Variants in RB1CC1 observed in about 807,000 individuals in gnomAD.
RB1CC1 encodes RB1-inducible coiled-coil protein 1.
In RB1CC1, 46 loss-of-function variants were observed where a neutral mutation model predicts 177.5. The ratio of observed to expected loss-of-function variants is 0.26; its 90% CI spans 0.20 to 0.33. The LOEUF is 0.33. RB1CC1 is among the 10% of genes least tolerant of loss of function. The pLI, the probability that RB1CC1 is intolerant of heterozygous loss-of-function variation, is 1.00. For synonymous variants in RB1CC1, 666 were observed against 613.6 expected (o/e 1.09, Z -1.26); for missense variants, 1,703 against 1,816.3 (o/e 0.94, Z 1.13).
At chr8:52,649,876 T>G (rs188305640) in intron 15 of RB1CC1, among the ~76,000 whole-genome samples, 135 of 152,286 alleles carry the variant, frequency 8.9e-4, no homozygotes, top group African/African-American at 3.0e-3. Context: ...AAAACTAATA[T>G]AAACTTTAAT....
intron 15 of RB1CC1, among the ~76,000 whole-genome samples, chr8:52,652,428 C>G (rs1850681899): frequency 6.8e-6 from 1 of 146,398 alleles, no homozygotes; most frequent in Non-Finnish European, 1.5e-5. Flanking sequence ...CCACTGCACT[C>G]CAGCCTGGGC....
chr8:52,688,139 CAT>C (rs956970802), intron 1 of RB1CC1, among the ~76,000 whole-genome samples: 15 of 152,264 alleles, frequency 9.9e-5, no homozygotes, highest in East Asian at 3.9e-4. Flanking sequence ...GATTGTAAAA[CAT>C]GTGTGTTTGA....
chr8:52,687,737 G>A (rs574652377), intron 1 of RB1CC1, among the ~76,000 whole-genome samples: 2 of 152,240 alleles, frequency 1.3e-5, no homozygotes, highest in East Asian at 1.9e-4. Flanking sequence ...CTCAGCCCTG[G>A]CCAACACTTT....
At chr8:52,653,703 C>T (rs554104480) in intron 15 of RB1CC1, among the ~76,000 whole-genome samples, 17 of 152,230 alleles carry the variant, frequency 1.1e-4, no homozygotes, top group Admixed American at 6.5e-5. Context: ...TGCTTGGCAG[C>T]AGAAGTGGTC....
At chr8:52,687,301 C>T (rs970032491) in intron 1 of RB1CC1, among the ~76,000 whole-genome samples, 2 of 152,050 alleles carry the variant, frequency 1.3e-5, no homozygotes, top group Non-Finnish European at 2.9e-5. Context: ...TGATCTTGGA[C>T]AACTGTTTTG....
At chr8:52,645,892 A>G in intron 15 of RB1CC1, 25 bp from the exon 16 acceptor site, 1 of 1,566,196 alleles carries the variant, frequency 6.4e-7, no homozygotes. Context: ...ACAGCATTAA[A>G]TTAAAAAAAA....
chr8:52,674,081 T>C lies in RB1CC1; in HGVS notation c.766A>G (p.Thr256Ala). ...TGTTCCACTGACTTGGGAAATGAGGTTAACAAAGATTCGTTAGTTGTTCTA... is the reference window on the plus strand; with the variant it reads ...TGTTCCACTGACTTGGGAAATGAGGCTAACAAAGATTCGTTAGTTGTTCTA... ...MPRTTNESLL[T>A]SFPKSVEHVS... The change falls in exon 7 of 24, where the codon ACC (threonine) becomes GCC (alanine). Residue 256 changes from threonine to alanine, a missense_variant. This residue lies in a region of RB1CC1 where 315 missense variants were observed against 304.9 expected (regional missense o/e 1.03). Coordinates refer to ENST00000025008, the MANE Select transcript of RB1CC1 (RefSeq NM_014781.5). 6.2e-7 allele frequency: 1 copy of C among 1,614,160 alleles called. No individual in the cohort carries two copies. The highest frequency in any genetic ancestry group is 8.5e-7 in the Non-Finnish European group (1 of 1,180,002).
chr8:52,708,285 G>A (rs1161337426), intron 1 of RB1CC1, among the ~76,000 whole-genome samples: 1 of 152,192 alleles, frequency 6.6e-6, no homozygotes, highest in African/African-American at 2.4e-5. Context: ...GGGAGGCTGA[G>A]GCGGGTGGAT....
intron 20 of RB1CC1, among the ~76,000 whole-genome samples, chr8:52,633,375 C>G (rs1353114703): frequency 2.0e-5 from 3 of 152,068 alleles, no homozygotes; most frequent in African/African-American, 7.2e-5. Flanking sequence ...TGATTAAAAT[C>G]GTTGCCAAAC....
chr8:52,649,451 A>G (rs185476643), intron 15 of RB1CC1, among the ~76,000 whole-genome samples: 25 of 152,270 alleles, frequency 1.6e-4, no homozygotes, highest in Admixed American at 1.6e-3. Context: ...TTGAACATAA[A>G]CTAGATTGTC....
At chr8:52,712,702 A>C (rs1857161885) in intron 1 of RB1CC1, among the ~76,000 whole-genome samples, 1 of 152,244 alleles carries the variant, frequency 6.6e-6, no homozygotes, top group Non-Finnish European at 1.5e-5. Flanking sequence ...TCTCAACGTA[A>C]GCATTATGTG....
At chr8:52,695,806 T>A (rs1855351515) in intron 1 of RB1CC1, among the ~76,000 whole-genome samples, 1 of 152,206 alleles carries the variant, frequency 6.6e-6, no homozygotes, top group Admixed American at 6.5e-5. Context: ...TGTATCCTTC[T>A]CTTATAATAA....
In RB1CC1 at chr8:52,627,312, A is replaced by G. The variant is rs527331433; in HGVS notation, c.4636+720T>C. Among the ~76,000 whole-genome samples the G allele has an allele frequency of 1.5e-4, 23 of 152,268 alleles. 1 individual carries two copies. In the South Asian group the frequency reaches 4.8e-3, roughly 32 times the overall value. On this transcript the variant is annotated intron_variant, in intron 22 of 23. Coordinates refer to ENST00000025008, the MANE Select transcript of RB1CC1 (RefSeq NM_014781.5). ...CAGTGAGCTGAGATCGTGCCACCGCACTCCAGCCTAGGCGACAGAGCAAGA... is the reference window on the plus strand; with the variant it reads ...CAGTGAGCTGAGATCGTGCCACCGCGCTCCAGCCTAGGCGACAGAGCAAGA...
chr8:52,670,910 C>T (rs981335955), intron 7 of RB1CC1, among the ~76,000 whole-genome samples: 2 of 151,108 alleles, frequency 1.3e-5, no homozygotes, highest in African/African-American at 4.9e-5. Flanking sequence ...GAGCCGAGAT[C>T]GTGCCAGTGC....
At chr8:52,649,205 G>A (rs1372268383) in intron 15 of RB1CC1, among the ~76,000 whole-genome samples, 1 of 152,178 alleles carries the variant, frequency 6.6e-6, no homozygotes, top group African/African-American at 2.4e-5. Context: ...AATAAAGGTT[G>A]TCCAACTAAA....
At chr8:52,636,137 T>C in intron 18 of RB1CC1, 68 bp from the exon 19 acceptor site, 3 of 1,485,104 alleles carry the variant, frequency 2.0e-6, no homozygotes, top group Non-Finnish European at 2.7e-6. Flanking sequence ...ATTTTAGAAA[T>C]TAAAATATTA....
At chr8:52,630,206 C>A (rs1371577415) in intron 21 of RB1CC1, among the ~76,000 whole-genome samples, 2 of 152,128 alleles carry the variant, frequency 1.3e-5, no homozygotes, top group Non-Finnish European at 2.9e-5. Flanking sequence ...GTAGCACATG[C>A]TGAAAAGTTA....
At chr8:52,644,796 T>C (rs1327125829) in intron 16 of RB1CC1, among the ~76,000 whole-genome samples, 1 of 152,200 alleles carries the variant, frequency 6.6e-6, no homozygotes, top group Non-Finnish European at 1.5e-5. Context: ...TAATTAATCA[T>C]AACATTTTAG....
intron 8 of RB1CC1, among the ~76,000 whole-genome samples, chr8:52,664,614 T>C (rs111542725): frequency 4.9e-4 from 74 of 152,276 alleles, no homozygotes; most frequent in African/African-American, 1.6e-3. Flanking sequence ...CAAAAACTAA[T>C]TTTGTAATAT....
Sources: gnomAD v4.1 joint callset for allele counts (sites outside exome capture counted in the v4.1 genomes callset) on GRCh38, gnomAD v4.1.1 for gene constraint, gnomAD v4.1.1 regional missense constraint, MANE v1.5 for transcripts, NCBI Gene and HGNC (gene_info 2026-07-23, HGNC 2026-07-21) for gene names.